CPAMD8: variants seen among roughly 807,000 people sequenced by gnomAD.
The protein encoded by CPAMD8 is C3 and PZP-like alpha-2-macroglobulin domain-containing protein 8.
CPAMD8 carries 146 observed loss-of-function variants against 224.7 expected under a neutral mutation model. That is an observed-to-expected ratio of 0.65 (90% confidence interval 0.57 to 0.75). The LOEUF is 0.75. CPAMD8 is among the 30% of genes least tolerant of loss of function. CPAMD8 has a pLI of 0.00. For missense variants in CPAMD8, 2,301 were observed against 2,537.5 expected, an observed-to-expected ratio of 0.91 and a Z score of 2.00; for synonymous variants, 966 against 1,044.6, an observed-to-expected ratio of 0.92 and a Z score of 1.45.
chr19:16,940,437 TG>T (rs1372268137), intron 22 of CPAMD8, among the ~76,000 whole-genome samples: 2 of 147,358 alleles, frequency 1.4e-5, no homozygotes, highest in Non-Finnish European at 3.0e-5. Context: ...TCAACCTCTC[TG>T]GGCCCCCATT....
chr19:16,915,671 G>T (rs976693013), intron 27 of CPAMD8, among the ~76,000 whole-genome samples: 2 of 152,202 alleles, frequency 1.3e-5, no homozygotes, highest in African/African-American at 4.8e-5. Context: ...ATGGAAGCCA[G>T]GAGGCCATGA....
At position 16,906,974 on chromosome 19, in the gene CPAMD8, G is replaced by T; in HGVS notation, c.4005C>A (p.Leu1335=). 1 of 1,594,478 alleles carries T rather than the reference G, an allele frequency of 6.3e-7. No homozygotes were observed. The highest frequency in any genetic ancestry group is 1.8e-5 in the Admixed American group (1 of 55,384). Residue 1335 remains leucine (L), a synonymous_variant, in exon 30 of 42, where the codon CTC becomes CTA. Coordinates refer to ENST00000443236, the MANE Select transcript of CPAMD8 (RefSeq NM_015692.5). ...SPAAPEALRK[L]RSLAIMRDGV... Reference sequence around the variant, plus strand: ...TACCTCGCATGATGGCCAGGCTACGGAGCTTGCGCAGTGCCTCAGGGGCTG... The same window carrying T: ...TACCTCGCATGATGGCCAGGCTACGTAGCTTGCGCAGTGCCTCAGGGGCTG...
At chr19:16,990,603 G>A (rs563017716) in intron 12 of CPAMD8, among the ~76,000 whole-genome samples, 6 of 152,046 alleles carry the variant, frequency 3.9e-5, no homozygotes, top group South Asian at 2.1e-4. Flanking sequence ...GATGGCTCAC[G>A]CCTGTAATCC....
chr19:16,911,366 CT>C (rs151247793), intron 29 of CPAMD8, among the ~76,000 whole-genome samples: 220 of 141,830 alleles, frequency 1.6e-3, no homozygotes, highest in Middle Eastern at 3.6e-3. Context: ...TTTTTTTGTT[CT>C]TTTTTTTTTT....
chr19:16,898,684 C>A lies in CPAMD8; in HGVS notation c.4849-690G>T, dbSNP rs1379827271. On this transcript the variant is annotated intron_variant, in intron 37 of 41. Coordinates refer to ENST00000443236, the MANE Select transcript of CPAMD8 (RefSeq NM_015692.5). This position sits in a 1 kb window ranked among gnomAD's most constrained non-coding sequence, Gnocchi z 4.2. ...TTTGCCTGTTCTGGGCATTTCATGT[C>A]AATGGAATCATGTACTCTGTGGCCT... Among the ~76,000 whole-genome samples the A allele has an allele frequency of 1.3e-5, 2 of 152,128 alleles. No homozygotes were observed. The highest frequency in any genetic ancestry group is 4.8e-5 in the African/African-American group (2 of 41,426).
chr19:16,904,184 C>CCCCCCCCCCCCCA, intron 32 of CPAMD8, 42 bp downstream of exon 32: 5 of 1,183,512 alleles, frequency 4.2e-6, no homozygotes, highest in Non-Finnish European at 6.1e-6. Flanking sequence ...GGACCCCACC[C>CCCCCCCCCCCCCA]ACCCAGCCCT....
chr19:16,985,365 AGGGTAGATAAATAGGTAAGTGTAGTGGG>A (rs2055680780), intron 13 of CPAMD8, among the ~76,000 whole-genome samples: 2 of 149,138 alleles, frequency 1.3e-5, no homozygotes, highest in Admixed American at 6.7e-5. Context: ...GGATGGATGG[AGGGTAGATAAATAGGTAAGTGTAGTGGG>A]TGGATGGATG....
chr19:16,994,688 T>A (rs59628817), intron 11 of CPAMD8, among the ~76,000 whole-genome samples: 2,768 of 151,420 alleles, frequency 0.018, 62 homozygotes, highest in African/African-American at 0.063. Context: ...TGGCTAATTT[T>A]AAAAAAAAAT....
At chr19:16,914,342 AC>A in intron 29 of CPAMD8, 81 bp downstream of exon 29, 1 of 1,131,996 alleles carries the variant, frequency 8.8e-7, no homozygotes, top group Middle Eastern at 2.0e-4. Flanking sequence ...GGAAGAAATC[AC>A]CCCTGGCATA....
Position 16,900,466 on chromosome 19 carries a change from T to C in CPAMD8, c.4773+744A>G, listed in dbSNP as rs530553215. ...CAAAAAAATTAGCTGGGCGTGGTGG[T>C]GCATGCCTGTAATCCCAGCTACTTA... is the stretch of plus-strand genomic sequence containing the variant. On this transcript the variant is annotated intron_variant, in intron 36 of 41. Transcript: ENST00000443236. Among the ~76,000 whole-genome samples, 11 of 152,092 alleles carry C rather than the reference T, an allele frequency of 7.2e-5. No homozygotes were observed. The South Asian group carries it at 2.3e-3, about 32-fold the overall frequency.
rs1270538492 is a variant in CPAMD8 at position 16,917,930 on chromosome 19, C to CA, written c.3630-3118dup. Among the ~76,000 whole-genome samples the CA allele has an allele frequency of 3.3e-5, 5 of 152,294 alleles. No individual in the cohort carries two copies. The East Asian group carries it at 9.6e-4, about 29-fold the overall frequency. On this transcript the variant is annotated intron_variant, in intron 27 of 41. Coordinates refer to ENST00000443236, the MANE Select transcript of CPAMD8 (RefSeq NM_015692.5). ...AAGGATACCGAAATCCACTGATGCT[C>CA]AAGTCCCCGATATACGAGTGTGTAG...
Position 16,997,363 on chromosome 19 carries a change from G to A in CPAMD8, c.868-25C>T, listed in dbSNP as rs528586425. 69 of 1,366,936 alleles carry A rather than the reference G, an allele frequency of 5.0e-5. 2 individuals carry two copies. In the South Asian group the frequency reaches 6.5e-4, roughly 13 times the overall value. The allele number at this position is 1,366,936 out of a possible 1,614,324, so 84.7% of individuals were successfully genotyped here. A position where few individuals can be genotyped will look rare whatever the true frequency, so the allele number is the denominator to read the frequency against. ...TCTGGAGGGAGGAAAAACACAGCCCGTGCTCACTCAGGGTTGGAGTGTCTT... is the reference window on the plus strand; with the variant it reads ...TCTGGAGGGAGGAAAAACACAGCCCATGCTCACTCAGGGTTGGAGTGTCTT... On this transcript the variant is annotated intron_variant, in intron 10 of 41. Coordinates refer to ENST00000443236, the MANE Select transcript of CPAMD8 (RefSeq NM_015692.5).
At chr19:16,981,855 C>G (rs1008051675) in intron 13 of CPAMD8, among the ~76,000 whole-genome samples, 7 of 152,202 alleles carry the variant, frequency 4.6e-5, no homozygotes, top group African/African-American at 1.7e-4. Context: ...AGTTTCCCCA[C>G]CTGTAAAATA....
At chr19:16,958,629 A>G (rs1568529157) in intron 18 of CPAMD8, among the ~76,000 whole-genome samples, 1 of 151,984 alleles carries the variant, frequency 6.6e-6, no homozygotes, top group Non-Finnish European at 1.5e-5. Flanking sequence ...TCCTTTGAGT[A>G]TATACTCAGT....
chr19:16,903,448 A>T, intron 34 of CPAMD8, 113 bp downstream of exon 34: 1 of 1,487,848 alleles, frequency 6.7e-7, no homozygotes, highest in South Asian at 1.2e-5. Context: ...GCAGTCTGGC[A>T]TGCTGCTGAG....
At position 17,000,486 on chromosome 19, in the gene CPAMD8, C is replaced by A; in HGVS notation, c.795G>T (p.Met265Ile). The A allele has an allele frequency of 2.0e-6, 3 of 1,504,412 alleles. No homozygotes were observed. The highest frequency in any genetic ancestry group is 1.9e-6 in the Non-Finnish European group (2 of 1,079,104). 93.2% of individuals were successfully genotyped at this position (1,504,412 alleles called of 1,614,324 possible). A position where few individuals can be genotyped will look rare whatever the true frequency, so the allele number is the denominator to read the frequency against. The change falls in exon 10 of 42, where the codon ATG becomes ATT. Residue 265 changes from methionine (M) to isoleucine (I), a missense_variant. Around this residue, in one of 4 missense-constraint regions of CPAMD8, gnomAD observed 8 missense variants for 36.9 expected, o/e 0.22. Coordinates refer to ENST00000443236, the MANE Select transcript of CPAMD8 (RefSeq NM_015692.5). ...CTACACCATTAACAGTCATGTTGAT[C>A]ATTAAGGCACCAGCCACAGGTTTCC... ...TFGKPVAGAL[M>I]INMTVNGVGY...
At chr19:16,986,614 C>T (rs748740220) in intron 13 of CPAMD8, among the ~76,000 whole-genome samples, 7 of 152,078 alleles carry the variant, frequency 4.6e-5, no homozygotes, top group Admixed American at 2.0e-4. Flanking sequence ...CTTGGCGCCA[C>T]GATTCCTCCA....
chr19:17,000,052 C>A (rs182290692), intron 10 of CPAMD8, among the ~76,000 whole-genome samples: 17 of 152,276 alleles, frequency 1.1e-4, no homozygotes, highest in Admixed American at 5.2e-4. Context: ...TGGTCATGTC[C>A]ACCTATTGGA....
At chr19:16,912,623 C>G (rs962653976) in intron 29 of CPAMD8, among the ~76,000 whole-genome samples, 2 of 152,180 alleles carry the variant, frequency 1.3e-5, no homozygotes, top group African/African-American at 4.8e-5. Context: ...GTGGCACATG[C>G]CTGTAGTCCC....
Sources: allele counts gnomAD v4.1 joint callset (sites outside exome capture counted in the v4.1 genomes callset), GRCh38; gene constraint gnomAD v4.1.1; regional missense constraint gnomAD v4.1.1; non-coding constraint Gnocchi (gnomAD v3.1); transcripts MANE v1.5; gene names NCBI Gene and HGNC (gene_info 2026-07-23, HGNC 2026-07-21).